Variants in ALMS1 observed in about 807,000 individuals in gnomAD.
ALMS1 encodes the protein ALMS1 centrosome and basal body associated protein.
ALMS1 carries 271 observed loss-of-function variants against 352.2 expected under a neutral mutation model. That is an observed-to-expected ratio of 0.77 (90% confidence interval 0.70 to 0.85). The LOEUF (loss-of-function observed/expected upper bound fraction) is 0.85, where lower values mean the gene tolerates loss of function less well. ALMS1 is among the 40% of genes least tolerant of loss of function. ALMS1 has a pLI of 0.00. For synonymous variants in ALMS1, 1,865 were observed against 1,761.2 expected, an observed-to-expected ratio of 1.06 and a Z score of -1.48; for missense variants, 5,445 against 4,870.7, an observed-to-expected ratio of 1.12 and a Z score of -3.51.
At position 73,424,620 on chromosome 2, in the gene ALMS1, A is replaced by T. The variant is rs376892136; in HGVS notation, c.955A>T (p.Asn319Tyr). The T allele has an allele frequency of 6.2e-7, 1 of 1,614,026 alleles. No homozygotes were observed. Among genetic ancestry groups the T allele is most frequent in the Admixed American group, 1.7e-5 (1 of 59,950 alleles). Residue 319 changes from asparagine (N) to tyrosine (Y), a missense_variant, in exon 5 of 23, where the codon AAT (asparagine) becomes TAT (tyrosine). Physicochemically the swap from Asn to Tyr is moderately radical, Grantham distance 143. Coordinates refer to ENST00000613296, the MANE Select transcript of ALMS1 (RefSeq NM_001378454.1). ...CCCTTTTTTACCTTCTGAACAAGGG[A>T]ATAATGAAGAGACTATTTCGTCTGT... The part of the protein sequence containing the change: ...QCPFLPSEQG[N>Y]NEETISSVDE...
intron 10 of ALMS1, among the ~76,000 whole-genome samples, chr2:73,500,187 A>G (rs529317834): frequency 6.6e-6 from 1 of 152,310 alleles, no homozygotes; most frequent in South Asian, 2.1e-4. Flanking sequence ...TAAATGCCAT[A>G]GAGAATGTTG....
At chr2:73,551,609 T>C (rs1674436701) in intron 13 of ALMS1, among the ~76,000 whole-genome samples, 1 of 151,814 alleles carries the variant, frequency 6.6e-6, no homozygotes, top group African/African-American at 2.4e-5. Context: ...TAATTTTTTG[T>C]ATTTTTAGTA....
chr2:73,417,123 G>C (rs773849961), intron 2 of ALMS1, among the ~76,000 whole-genome samples: 10 of 152,146 alleles, frequency 6.6e-5, no homozygotes, highest in Middle Eastern at 3.4e-3. Context: ...ACTGCAAATA[G>C]AGGAAACGTG....
intron 15 of ALMS1, among the ~76,000 whole-genome samples, chr2:73,560,893 A>G (rs1402799370): frequency 6.6e-6 from 1 of 152,198 alleles, no homozygotes; most frequent in Non-Finnish European, 1.5e-5. Context: ...GGGTTTAAAC[A>G]GGAGAGTCTT....
At chr2:73,389,944 C>T (rs1670608811) in intron 1 of ALMS1, among the ~76,000 whole-genome samples, 1 of 152,126 alleles carries the variant, frequency 6.6e-6, no homozygotes, top group Non-Finnish European at 1.5e-5. Context: ...GCCTCAGCCT[C>T]CCAAAGTGTT....
intron 21 of ALMS1, among the ~76,000 whole-genome samples, chr2:73,605,529 C>T (rs1319825250): frequency 1.3e-5 from 2 of 152,160 alleles, no homozygotes; most frequent in Non-Finnish European, 2.9e-5. Flanking sequence ...TTTTCAGATT[C>T]CACCTTGCAA....
intron 13 of ALMS1, among the ~76,000 whole-genome samples, chr2:73,553,367 C>T (rs544068186): frequency 3.9e-5 from 6 of 152,202 alleles, no homozygotes; most frequent in Admixed American, 1.3e-4. Context: ...AAATGGGAAA[C>T]GAATTCTCAC....
intron 15 of ALMS1, among the ~76,000 whole-genome samples, chr2:73,559,944 A>C (rs1189606094): frequency 6.6e-6 from 1 of 152,200 alleles, no homozygotes; most frequent in African/African-American, 2.4e-5. Flanking sequence ...AGAAAACATA[A>C]GGGGAACACT....
intron 1 of ALMS1, 44 bp from the exon 2 acceptor site, chr2:73,408,578 G>A (rs746305486): frequency 1.3e-6 from 2 of 1,597,202 alleles, no homozygotes; most frequent in South Asian, 1.1e-5. Context: ...TATAATCATA[G>A]TGATTGTGTT....
chr2:73,477,977 C>T (rs1354979227), intron 9 of ALMS1, among the ~76,000 whole-genome samples: 2 of 152,064 alleles, frequency 1.3e-5, no homozygotes, highest in Non-Finnish European at 2.9e-5. Context: ...GTTGCCCTGG[C>T]AATATGTAAC....
Position 73,453,535 on chromosome 2 carries a change from TG to T in ALMS1, c.7010del (p.Gly2337AlafsTer6). On this transcript the variant is annotated frameshift_variant, in exon 8 of 23. Coordinates refer to ENST00000613296, the MANE Select transcript of ALMS1 (RefSeq NM_001378454.1). LOFTEE classifies it high-confidence loss of function. ...GCAGCAGGTGCATACAGAAGGATAT[TG>T]GCACACAGACGAATTTGAAATGCCG... The part of the protein sequence containing the change: ...PSSRCIQKDI[G>X]TQTNLKCRRG... The T allele has an allele frequency of 6.2e-7, 1 of 1,613,808 alleles. No homozygotes were observed. Among genetic ancestry groups the T allele is most frequent in the Non-Finnish European group, 8.5e-7 (1 of 1,179,984 alleles).
chr2:73,482,341 G>C (rs982803329), intron 9 of ALMS1, among the ~76,000 whole-genome samples: 2 of 152,112 alleles, frequency 1.3e-5, no homozygotes, highest in African/African-American at 2.4e-5. Flanking sequence ...AAAATCATGT[G>C]GTTTTTGTCT....
chr2:73,395,042 GTGTA>G, intron 1 of ALMS1, among the ~76,000 whole-genome samples: 1 of 94,980 alleles, frequency 1.1e-5, no homozygotes, highest in African/African-American at 5.4e-5. Flanking sequence ...ATATATGTGT[GTGTA>G]TATATATATA....
chr2:73,486,545 T>C lies in ALMS1; in HGVS notation c.7675-3089T>C, dbSNP rs1260425004. On this transcript the variant is annotated intron_variant, in intron 9 of 22. Transcript: ENST00000613296. The stretch of plus-strand genomic sequence containing the variant: ...CTCTTGTTAGGGTTTTTTGTCTGTG[T>C]CCATTGTTCCTGGGTAGCTGACTTC... Among the ~76,000 whole-genome samples, 4 of 152,208 alleles carry C rather than the reference T, an allele frequency of 2.6e-5. No homozygotes were observed. The East Asian group carries it at 5.8e-4, about 22-fold the overall frequency.
intron 8 of ALMS1, chr2:73,454,331 C>T (rs1239423616): frequency 1.0e-6 from 1 of 985,252 alleles, no homozygotes; most frequent in Non-Finnish European, 1.2e-6. Context: ...AGTTTACGTT[C>T]TTGTTCTTAG....
intron 1 of ALMS1, among the ~76,000 whole-genome samples, chr2:73,391,580 A>G (rs1304801112): frequency 6.6e-6 from 1 of 152,152 alleles, no homozygotes; most frequent in African/African-American, 2.4e-5. Flanking sequence ...GGCTTGAGCC[A>G]CCGTGCCTGG....
At chr2:73,469,875 A>T (rs1182125095) in intron 9 of ALMS1, 2 of 151,856 alleles carry the variant, frequency 1.3e-5, no homozygotes, top group African/African-American at 4.8e-5. Flanking sequence ...AAAGAAAAAA[A>T]CAATGCCTGA....
intron 10 of ALMS1, among the ~76,000 whole-genome samples, chr2:73,498,038 A>G (rs1389092613): frequency 6.6e-6 from 1 of 152,166 alleles, no homozygotes; most frequent in African/African-American, 2.4e-5. Context: ...TGATAATACA[A>G]GTGATGTTTA....
chr2:73,607,751 C>T (rs1312404474), intron 21 of ALMS1, among the ~76,000 whole-genome samples: 2 of 151,872 alleles, frequency 1.3e-5, no homozygotes, highest in Non-Finnish European at 2.9e-5. Flanking sequence ...TCAAGCGATT[C>T]TCCTGCCTCA....
Sources: gnomAD v4.1 joint callset for allele counts (sites outside exome capture counted in the v4.1 genomes callset) on GRCh38, gnomAD v4.1.1 for gene constraint, MANE v1.5 for transcripts, NCBI Gene and HGNC (gene_info 2026-07-23, HGNC 2026-07-21) for gene names.